Variants in THSD7B observed in about 807,000 individuals in gnomAD.
The protein encoded by THSD7B is thrombospondin type-1 domain-containing protein 7B.
A neutral mutation model predicts 213.6 loss-of-function variants in THSD7B; 138 were observed. That is an observed-to-expected ratio of 0.65 (90% CI 0.56 to 0.74). THSD7B has a LOEUF of 0.74. Ranked by LOEUF, THSD7B falls within the 30% of genes least tolerant of loss-of-function variation. The pLI, the probability that THSD7B is intolerant of heterozygous loss-of-function variation, is 0.00. For synonymous variants in THSD7B, 742 were observed against 687.0 expected (o/e 1.08, Z -1.25); for missense variants, 1,931 against 1,991.5 (o/e 0.97, Z 0.58).
chr2:136,939,139 C>T (rs948189401), intron 2 of THSD7B, among the ~76,000 whole-genome samples: 8 of 151,908 alleles, frequency 5.3e-5, no homozygotes, highest in African/African-American at 9.7e-5. Context: ...CCATCCATTT[C>T]GTTGGCTGCA....
chr2:137,034,124 G>A (rs970305541), intron 2 of THSD7B, among the ~76,000 whole-genome samples: 3 of 152,124 alleles, frequency 2.0e-5, no homozygotes, highest in African/African-American at 4.8e-5. Context: ...CAAAGGACAT[G>A]AACTCATCCT....
intron 27 of THSD7B, among the ~76,000 whole-genome samples, chr2:137,675,400 T>A (rs1683674802): frequency 7.9e-6 from 1 of 126,396 alleles, no homozygotes. Flanking sequence ...GCTAAATGAA[T>A]GCCATATATA....
intron 17 of THSD7B, among the ~76,000 whole-genome samples, chr2:137,589,648 A>T (rs532596710): frequency 6.6e-6 from 1 of 152,114 alleles, no homozygotes. Context: ...TTGCTCTTGC[A>T]TATTTGGGGT....
At chr2:137,030,720 A>T (rs944209904) in intron 2 of THSD7B, among the ~76,000 whole-genome samples, 1 of 152,124 alleles carries the variant, frequency 6.6e-6, no homozygotes, top group Non-Finnish European at 1.5e-5. Flanking sequence ...CAGCTAAGCT[A>T]TGGGTACACA....
chr2:137,085,199 C>T (rs928237512), intron 3 of THSD7B, among the ~76,000 whole-genome samples: 2 of 152,058 alleles, frequency 1.3e-5, no homozygotes, highest in Non-Finnish European at 1.5e-5. Flanking sequence ...AATAAAACGC[C>T]CTGGTCCTTG....
intron 7 of THSD7B, among the ~76,000 whole-genome samples, chr2:137,172,033 A>G (rs544407374): frequency 6.6e-6 from 1 of 152,288 alleles, no homozygotes; most frequent in East Asian, 1.9e-4. Context: ...TTGTGGTAAC[A>G]TATGTGCAAT....
chr2:137,117,966 C>T (rs1357306764), intron 5 of THSD7B, among the ~76,000 whole-genome samples: 1 of 151,934 alleles, frequency 6.6e-6, no homozygotes. Context: ...GGATGTTTGC[C>T]GCAAGAGTAT....
chr2:136,936,370 C>T (rs530580615), intron 2 of THSD7B, among the ~76,000 whole-genome samples: 60 of 152,196 alleles, frequency 3.9e-4, no homozygotes, highest in Admixed American at 9.2e-4. Context: ...TAATTGCACA[C>T]GCATGTTTAT....
intron 17 of THSD7B, among the ~76,000 whole-genome samples, chr2:137,614,027 A>T (rs1432964816): frequency 6.6e-6 from 1 of 152,186 alleles, no homozygotes; most frequent in African/African-American, 2.4e-5. Context: ...GCCTGAGATG[A>T]GGCTGAATCA....
chr2:137,010,942 G>A (rs1379247287), intron 2 of THSD7B, among the ~76,000 whole-genome samples: 1 of 152,126 alleles, frequency 6.6e-6, no homozygotes, highest in East Asian at 1.9e-4. Flanking sequence ...AAGAGTGGCA[G>A]GGAGAGGCCT....
At chr2:137,213,048 G>C (rs923539655) in intron 7 of THSD7B, among the ~76,000 whole-genome samples, 1 of 101,662 alleles carries the variant, frequency 9.8e-6, no homozygotes, top group Admixed American at 9.1e-5. Context: ...AAAAAAAAAA[G>C]GTTATACAGA....
chr2:136,960,207 G>A (rs1158767201), intron 2 of THSD7B, among the ~76,000 whole-genome samples: 2 of 151,946 alleles, frequency 1.3e-5, no homozygotes, highest in Non-Finnish European at 2.9e-5. Flanking sequence ...GGTTCACTGT[G>A]GCCTCCACCT....
chr2:136,956,641 G>A (rs1334395205), intron 2 of THSD7B, among the ~76,000 whole-genome samples: 2 of 150,008 alleles, frequency 1.3e-5, no homozygotes, highest in Admixed American at 6.6e-5. Context: ...TCTTCAGCAA[G>A]AGGAGTTAGA....
intron 2 of THSD7B, among the ~76,000 whole-genome samples, chr2:137,046,050 A>G (rs1283425540): frequency 1.3e-5 from 2 of 151,766 alleles, no homozygotes; most frequent in Non-Finnish European, 2.9e-5. Context: ...CAACCCATTG[A>G]TGTTGTGAGT....
At chr2:136,952,213 A>G (rs1022678838) in intron 2 of THSD7B, among the ~76,000 whole-genome samples, 5 of 151,066 alleles carry the variant, frequency 3.3e-5, no homozygotes, top group Admixed American at 2.6e-4. Context: ...GCCAACCCCC[A>G]CCCCCCCAAA....
intron 1 of THSD7B, among the ~76,000 whole-genome samples, chr2:136,847,033 C>T (rs576343843): frequency 6.6e-6 from 1 of 151,778 alleles, no homozygotes; most frequent in African/African-American, 2.4e-5. Context: ...ATTTTTTTTC[C>T]AATCTAGAAG....
At chr2:137,392,119 T>C (rs745984824) in intron 12 of THSD7B, among the ~76,000 whole-genome samples, 1 of 152,222 alleles carries the variant, frequency 6.6e-6, no homozygotes, top group Admixed American at 6.5e-5. Flanking sequence ...ATACTTGATA[T>C]GATTTCGATT....
At chr2:137,256,081 T>G (rs1682302007) in intron 10 of THSD7B, among the ~76,000 whole-genome samples, 1 of 152,172 alleles carries the variant, frequency 6.6e-6, no homozygotes, top group African/African-American at 2.4e-5. Flanking sequence ...TCACAGCAAT[T>G]ATCATTATCC....
chr2:136,898,339 T>G (rs902688369), intron 2 of THSD7B, among the ~76,000 whole-genome samples: 11 of 152,362 alleles, frequency 7.2e-5, no homozygotes, highest in African/African-American at 2.6e-4. Flanking sequence ...GAGTTTTGAC[T>G]TCTAAGACAA....
Sources: allele counts gnomAD v4.1 joint callset (sites outside exome capture counted in the v4.1 genomes callset), GRCh38; gene constraint gnomAD v4.1.1; transcripts MANE v1.5; gene names NCBI Gene and HGNC (gene_info 2026-07-23, HGNC 2026-07-21).